Variants in ZNF142 observed in about 807,000 individuals in gnomAD.
ZNF142 encodes the protein zinc finger protein 142 (clone pHZ-49).
Under a neutral mutation model 132.1 loss-of-function variants are expected in ZNF142, and 96 were observed. That is an observed-to-expected ratio of 0.73 (90% confidence interval 0.62 to 0.86). The LOEUF (loss-of-function observed/expected upper bound fraction) is 0.86. Ranked by LOEUF, ZNF142 falls within the 40% of genes least tolerant of loss-of-function variation. The pLI, the probability that ZNF142 is intolerant of heterozygous loss-of-function variation, is 0.00. For missense variants in ZNF142, 2,163 were observed against 2,336.2 expected, an observed-to-expected ratio of 0.93 and a Z score of 1.53; for synonymous variants, 842 against 890.1, an observed-to-expected ratio of 0.95 and a Z score of 0.96.
In ZNF142 at chr2:218,642,778, G is replaced by A; in HGVS notation, c.4338C>T (p.His1446=). 1 of 1,614,226 alleles carries A rather than the reference G, an allele frequency of 6.2e-7. No individual in the cohort carries two copies. The highest frequency in any genetic ancestry group is 8.5e-7 in the Non-Finnish European group (1 of 1,180,050). Residue 1446 remains histidine, a synonymous_variant, in exon 9 of 11, where the codon CAC becomes CAT. Transcript: ENST00000411696. This position sits in a 1 kb window ranked among gnomAD's most constrained non-coding sequence, Gnocchi z 4.6. ...TFGTNSKLRL[H]RLRVHDKTPT... The stretch of plus-strand genomic sequence containing the variant: ...GTGTTTTGTCATGTACCCTTAACCG[G>A]TGCAAGCGCAGTTTCGAGTTGGTAC...
Position 218,643,327 on chromosome 2 carries a change from C to A in ZNF142, c.3789G>T (p.Gln1263His), listed in dbSNP as rs1457448326. ...TCAACGGGGACACATCAGGCTGGGT[C>A]TGGGGGGTCCCTCGTTTTCCTCCCC... ...RGGGGKRGTPQTQPDVSPLSN... is the reference protein window; with the variant it reads ...RGGGGKRGTPHTQPDVSPLSN... The change falls in exon 9 of 11, where the codon CAG becomes CAT. Residue 1263 changes from glutamine (Q) to histidine (H), a missense_variant. Gln to His is a conservative substitution (Grantham distance 24, BLOSUM62 0). Around this residue, in one of 7 missense-constraint regions of ZNF142, gnomAD observed 809 missense variants for 801.7 expected, o/e 1.01. Transcript: ENST00000411696. 6.2e-7 allele frequency: 1 copy of A among 1,614,168 alleles called. No individual in the cohort carries two copies.
chr2:218,656,905 C>T (rs1182124823), intron 3 of ZNF142, among the ~76,000 whole-genome samples: 2 of 151,756 alleles, frequency 1.3e-5, no homozygotes, highest in African/African-American at 2.4e-5. Flanking sequence ...GCAACCTCCG[C>T]CTCCTGGGTT....
chr2:218,634,610 G>A lies in ZNF142; in HGVS notation c.*3729C>T, dbSNP rs1323002691. 1 of 1,613,900 alleles carries A rather than the reference G, an allele frequency of 6.2e-7. No homozygotes were observed. The highest frequency in any genetic ancestry group is 2.2e-5 in the East Asian group (1 of 44,884). ...TGAGAAGCCCATCAGCCCTTTCAAA[G>A]CCCAGACTCTCTTAATCCAGGTACA... is the stretch of plus-strand genomic sequence containing the variant. On this transcript the variant is annotated 3_prime_UTR_variant, in exon 11 of 11. Coordinates refer to ENST00000411696, the MANE Select transcript of ZNF142 (RefSeq NM_001379659.1). This position sits in a 1 kb window ranked among gnomAD's most constrained non-coding sequence, Gnocchi z 4.0.
In ZNF142 at chr2:218,634,511, T is replaced by C. The variant is rs1696595947; in HGVS notation, c.*3828A>G. 6.2e-7 allele frequency: 1 copy of C among 1,614,068 alleles called. No individual in the cohort carries two copies. ...TGAAATGGACATCTGTGATGGGCAT[T>C]TCCGCCAGAATGGCGGCTGTGGCTA... On this transcript the variant is annotated 3_prime_UTR_variant, in exon 11 of 11. Coordinates refer to ENST00000411696, the MANE Select transcript of ZNF142 (RefSeq NM_001379659.1). The surrounding 1 kb of genome is among the most constrained non-coding windows in gnomAD (Gnocchi z 4.0).
In ZNF142 at chr2:218,644,846, T is replaced by G; in HGVS notation, c.2270A>C (p.Gln757Pro). The G allele has an allele frequency of 6.2e-7, 1 of 1,614,232 alleles. No homozygotes were observed. Among genetic ancestry groups the G allele is most frequent in the Non-Finnish European group, 8.5e-7 (1 of 1,180,040 alleles). Residue 757 changes from glutamine (Q) to proline (P), a missense_variant, in exon 9 of 11, where the codon CAG becomes CCG. Gln to Pro is a moderately conservative substitution (Grantham distance 76). Coordinates refer to ENST00000411696, the MANE Select transcript of ZNF142 (RefSeq NM_001379659.1). This position sits in a 1 kb window ranked among gnomAD's most constrained non-coding sequence, Gnocchi z 4.6. ...GCAGTTCTCATGGCTCAGCACAGCC[T>G]GCTTGTGGCGGCTCTGGTAACTGCA... The part of the protein sequence containing the change: ...HYCSYQSRHK[Q>P]AVLSHENCKH...
Position 218,635,483 on chromosome 2 carries a change from C to T in ZNF142, c.*2856G>A, listed in dbSNP as rs1383986511. ...CCTTCCGAGTAGCTGGGACTACAGG[C>T]GCCCGCCACCATGCCTGGCTAATTT... On this transcript the variant is annotated 3_prime_UTR_variant, in exon 11 of 11. Transcript: ENST00000411696. 2.0e-5 allele frequency among the ~76,000 whole-genome samples: 3 copies of T among 152,024 alleles called. No homozygotes were observed. Among genetic ancestry groups the T allele is most frequent in the Non-Finnish European group, 4.4e-5 (3 of 67,990 alleles).
rs376312801 is a variant in ZNF142 at position 218,644,006 on chromosome 2, C to T, written c.3110G>A (p.Arg1037His). The change falls in exon 9 of 11, where the codon CGC becomes CAC. Residue 1037 changes from arginine (R) to histidine (H), a missense_variant. By Grantham distance (29) the Arg-to-His change is conservative. Coordinates refer to ENST00000411696, the MANE Select transcript of ZNF142 (RefSeq NM_001379659.1). This position sits in a 1 kb window ranked among gnomAD's most constrained non-coding sequence, Gnocchi z 4.6. ...VVIQGEGRAF[R>H]CPHCPFITRR... ...AGTGATAAAAGGGCAGTGTGGGCAGCGGAAGGCTCGCCCCTCTCCCTGGAT... is the reference window on the plus strand; with the variant it reads ...AGTGATAAAAGGGCAGTGTGGGCAGTGGAAGGCTCGCCCCTCTCCCTGGAT... 4.6e-5 allele frequency: 74 copies of T among 1,613,990 alleles called. No homozygotes were observed. The highest frequency in any genetic ancestry group is 1.3e-4 in the African/African-American group (10 of 74,886).
At chr2:218,656,622 T>C (rs1002370624) in intron 3 of ZNF142, among the ~76,000 whole-genome samples, 159 bp from the exon 4 acceptor site, 2 of 152,202 alleles carry the variant, frequency 1.3e-5, no homozygotes, top group Non-Finnish European at 2.9e-5. Flanking sequence ...CTTTCTTTTA[T>C]GATAATGTTC....
At position 218,633,359 on chromosome 2, in the gene ZNF142, C is replaced by T. The variant is rs773900683; in HGVS notation, c.*4980G>A. 14 of 703,502 alleles carry T rather than the reference C, an allele frequency of 2.0e-5. No homozygotes were observed. Among genetic ancestry groups the T allele is most frequent in the Middle Eastern group, 2.3e-4 (1 of 4,386 alleles). 43.6% of individuals were successfully genotyped at this position (703,502 alleles called of 1,614,324 possible). A position where few individuals can be genotyped will look rare whatever the true frequency, so the allele number is the denominator to read the frequency against. On this transcript the variant is annotated 3_prime_UTR_variant, in exon 11 of 11. Transcript: ENST00000411696. The stretch of plus-strand genomic sequence containing the variant: ...ACTGATCCCAGCAGTACATGCAGAC[C>T]GCCTTTATTCCCATTCCCACCCCCA...
chr2:218,643,641 CTG>C lies in ZNF142; in HGVS notation c.3473_3474del (p.Thr1158SerfsTer19). On this transcript the variant is annotated frameshift_variant, in exon 9 of 11. Transcript: ENST00000411696. LOFTEE classifies it high-confidence loss of function. ...GCAGGAGGGACTGGGGAACCAGAGA[CTG>C]TGGCAAGAGGCTCTTCTGTTTCTTC... Reference protein sequence around the residue: ...EPEETEEPLATVSGSPVPPAG... With the variant: ...EPEETEEPLAXVSGSPVPPAG... 2 of 1,551,190 alleles carry C rather than the reference CTG, an allele frequency of 1.3e-6. No individual in the cohort carries two copies. The highest frequency in any genetic ancestry group is 1.7e-6 in the Non-Finnish European group (2 of 1,152,028).
At position 218,636,494 on chromosome 2, in the gene ZNF142, T is replaced by G; in HGVS notation, c.*1845A>C. The stretch of plus-strand genomic sequence containing the variant: ...AGGTTACCGCCACATTCACCTGCTG[T>G]CCAAAGATGGCATCAGCCTCCGCCC... On this transcript the variant is annotated 3_prime_UTR_variant, in exon 11 of 11. Transcript: ENST00000411696. 6.2e-7 allele frequency: 1 copy of G among 1,614,024 alleles called. No homozygotes were observed. The highest frequency in any genetic ancestry group is 8.5e-7 in the Non-Finnish European group (1 of 1,179,902).
rs1003218225 is a variant in ZNF142, at chr2:218,655,968, T to A, written c.280+182A>T. Among the ~76,000 whole-genome samples, 3 of 152,206 alleles carry A rather than the reference T, an allele frequency of 2.0e-5. No homozygotes were observed. The East Asian group carries it at 5.8e-4, about 29-fold the overall frequency. On this transcript the variant is annotated intron_variant, in intron 4 of 10. Coordinates refer to ENST00000411696, the MANE Select transcript of ZNF142 (RefSeq NM_001379659.1). ...GACTGCCAAAAGCTTGGTAGAAGGCTGTGCACCACTTCGCCAGCCTTCAAT... is the reference window on the plus strand; with the variant it reads ...GACTGCCAAAAGCTTGGTAGAAGGCAGTGCACCACTTCGCCAGCCTTCAAT...
Position 218,634,741 on chromosome 2 carries a change from G to C in ZNF142, c.*3598C>G, listed in dbSNP as rs1696613672. On this transcript the variant is annotated 3_prime_UTR_variant, in exon 11 of 11. Coordinates refer to ENST00000411696, the MANE Select transcript of ZNF142 (RefSeq NM_001379659.1). This position sits in a 1 kb window ranked among gnomAD's most constrained non-coding sequence, Gnocchi z 4.0. The stretch of plus-strand genomic sequence containing the variant: ...AGAGGCCGGATAGCCTATTAACAGT[G>C]TCTAGTTTTAGCTTTTGGAGCCAGC... 3.9e-6 allele frequency: 5 copies of C among 1,297,696 alleles called. No individual in the cohort carries two copies. The highest frequency in any genetic ancestry group is 4.6e-5 in the Admixed American group (2 of 43,350). The allele number at this position is 1,297,696 out of a possible 1,614,324, so 80.4% of individuals were successfully genotyped here.
chr2:218,646,097 A>G, intron 8 of ZNF142, 74 bp downstream of exon 8: 2 of 1,556,968 alleles, frequency 1.3e-6, no homozygotes, highest in East Asian at 4.5e-5. Context: ...ATAGGGCCAG[A>G]AGTTAGATCC....
intron 7 of ZNF142, 116 bp downstream of exon 7, chr2:218,648,519 C>A (rs1937643880): frequency 5.1e-6 from 5 of 983,302 alleles, no homozygotes; most frequent in Non-Finnish European, 7.5e-6. Flanking sequence ...ACTTGGAATG[C>A]TAGATCTATC....
At position 218,643,474 on chromosome 2, in the gene ZNF142, C is replaced by T. The variant is rs570709352; in HGVS notation, c.3642G>A (p.Glu1214=). Residue 1214 remains glutamate (E), a synonymous_variant, in exon 9 of 11, where the codon GAG becomes GAA. Transcript: ENST00000411696. The part of the protein sequence containing the change: ...VPPAGNSSPT[E]ALKKHRFEQG... ...GCTCAAAGCGGTGCTTCTTCAGGGC[C>T]TCTGTGGGTGAGGAGTTTCCTGCAG... The T allele has an allele frequency of 2.4e-4, 382 of 1,614,204 alleles. 5 individuals are homozygous for T. The South Asian group carries it at 3.9e-3, about 17-fold the overall frequency.
At position 218,635,742 on chromosome 2, in the gene ZNF142, CG is replaced by C. The variant is rs1359167434; in HGVS notation, c.*2596del. Reference sequence around the variant, plus strand: ...TCTCCCCTGGGGTTGGGAGTAGGGTCGGGTGGGGCTGGGCTGAGCAGGAACT... The same window carrying C: ...TCTCCCCTGGGGTTGGGAGTAGGGTCGGTGGGGCTGGGCTGAGCAGGAACT... On this transcript the variant is annotated 3_prime_UTR_variant, in exon 11 of 11. Coordinates refer to ENST00000411696, the MANE Select transcript of ZNF142 (RefSeq NM_001379659.1). The C allele has an allele frequency of 1.1e-4, 171 of 1,565,846 alleles. No homozygotes were observed. The highest frequency in any genetic ancestry group is 8.3e-4 in the Admixed American group (45 of 53,970).
chr2:218,645,172 T>C (rs1697629387), intron 8 of ZNF142, 108 bp from the exon 9 acceptor site: 15 of 1,378,566 alleles, frequency 1.1e-5, no homozygotes, highest in Middle Eastern at 2.6e-4. Flanking sequence ...GTATCATACA[T>C]GTGTCACCTG....
intron 7 of ZNF142, among the ~76,000 whole-genome samples, chr2:218,647,623 T>A (rs1479452354): frequency 6.6e-6 from 1 of 151,994 alleles, no homozygotes; most frequent in African/African-American, 2.4e-5. Flanking sequence ...GTATAAAGAT[T>A]ATATGAAATG....
Sources: allele counts gnomAD v4.1 joint callset (sites outside exome capture counted in the v4.1 genomes callset), GRCh38; gene constraint gnomAD v4.1.1; regional missense constraint gnomAD v4.1.1; non-coding constraint Gnocchi (gnomAD v3.1); transcripts MANE v1.5; gene names NCBI Gene and HGNC (gene_info 2026-07-23, HGNC 2026-07-21).